EIPR1: variants seen among roughly 807,000 people sequenced by gnomAD.
EIPR1 encodes EARP and GARP complex-interacting protein 1.
In EIPR1, 25 loss-of-function variants were observed where a neutral mutation model predicts 48.1. That is an observed-to-expected ratio of 0.52 (90% CI 0.38 to 0.73). The LOEUF is 0.73. Ranked by LOEUF, EIPR1 falls within the 30% of genes least tolerant of loss-of-function variation. The pLI is 0.00. For synonymous variants in EIPR1, 204 were observed against 201.9 expected (o/e 1.01, Z -0.09); for missense variants, 415 against 506.2 (o/e 0.82, Z 1.73).
At chr2:3,318,719 G>A (rs550747236) in intron 3 of EIPR1, 6 of 389,550 alleles carry the variant, frequency 1.5e-5, no homozygotes, top group African/African-American at 6.2e-5. Flanking sequence ...GCTCTGTCCC[G>A]GCAATCAGAG....
At position 3,189,418 on chromosome 2, in the gene EIPR1, C is replaced by A. The variant is rs543753999; in HGVS notation, c.1080G>T (p.Pro360=). 6.3e-7 allele frequency: 1 copy of A among 1,599,868 alleles called. No individual in the cohort carries two copies. Among genetic ancestry groups the A allele is most frequent in the Non-Finnish European group, 8.5e-7 (1 of 1,172,696 alleles). ...CATAGCTCAGGGAGGCAAACAGCCACGGGTCAGCCGAGGACCAGTCCACGG... is the reference window on the plus strand; with the variant it reads ...CATAGCTCAGGGAGGCAAACAGCCAAGGGTCAGCCGAGGACCAGTCCACGG... The part of the protein sequence containing the change: ...VYAVDWSSAD[P]WLFASLSYDG... The change falls in exon 9 of 9, where the codon CCG becomes CCT. Residue 360 remains proline, a synonymous_variant. Coordinates refer to ENST00000382125, the MANE Select transcript of EIPR1 (RefSeq NM_003310.5). The surrounding 1 kb of genome is among the most constrained non-coding windows in gnomAD (Gnocchi z 4.6).
intron 3 of EIPR1, among the ~76,000 whole-genome samples, chr2:3,313,071 C>T (rs189129059): frequency 2.0e-5 from 3 of 152,322 alleles, no homozygotes; most frequent in South Asian, 2.1e-4. Flanking sequence ...TACCTATCAG[C>T]CTCAAGGAGA....
At chr2:3,377,456 C>T (rs554468505) in intron 1 of EIPR1, 192 bp downstream of exon 1, 7 of 586,912 alleles carry the variant, frequency 1.2e-5, no homozygotes, top group South Asian at 6.5e-5. Context: ...CCGGCTGTGG[C>T]CAACCCTGTT....
intron 1 of EIPR1, among the ~76,000 whole-genome samples, chr2:3,358,419 A>G (rs1670778556): frequency 6.6e-6 from 1 of 152,212 alleles, no homozygotes. Flanking sequence ...GCTAAAATAC[A>G]TTTCAATAAA....
At chr2:3,227,429 A>AT (rs1473236782) in intron 4 of EIPR1, among the ~76,000 whole-genome samples, 1 of 152,202 alleles carries the variant, frequency 6.6e-6, no homozygotes, top group African/African-American at 2.4e-5. Flanking sequence ...CTCGAGAGAG[A>AT]TGACTTAGGG....
At chr2:3,193,815 C>A (rs555392095) in intron 7 of EIPR1, among the ~76,000 whole-genome samples, 184 bp downstream of exon 7, 1 of 152,196 alleles carries the variant, frequency 6.6e-6, no homozygotes, top group African/African-American at 2.4e-5. Flanking sequence ...TCTTTTCCTA[C>A]GTTTATAAAT....
At chr2:3,235,070 G>A (rs185085808) in intron 4 of EIPR1, among the ~76,000 whole-genome samples, 149 of 152,262 alleles carry the variant, frequency 9.8e-4, no homozygotes, top group African/African-American at 2.9e-3. Context: ...GTTTTCCACC[G>A]GCAAGTTAGA....
At chr2:3,251,991 T>C (rs1336592941) in intron 4 of EIPR1, among the ~76,000 whole-genome samples, 2 of 152,156 alleles carry the variant, frequency 1.3e-5, no homozygotes, top group African/African-American at 4.8e-5. Flanking sequence ...CCTTAATCTC[T>C]TGGGGCCATG....
intron 2 of EIPR1, among the ~76,000 whole-genome samples, chr2:3,343,546 A>G (rs1344087728): frequency 1.3e-5 from 2 of 152,236 alleles, no homozygotes; most frequent in African/African-American, 4.8e-5. Context: ...CGTTTATGAT[A>G]AAGATCAAAC....
At chr2:3,354,528 T>C (rs775094021) in intron 2 of EIPR1, 22 bp downstream of exon 2, 2 of 1,605,638 alleles carry the variant, frequency 1.2e-6, no homozygotes, top group Admixed American at 3.3e-5. Context: ...TTATCATGTA[T>C]ACATTTGTCA....
At chr2:3,336,884 A>AAAGGG (rs142201647) in intron 3 of EIPR1, among the ~76,000 whole-genome samples, 1 of 105,072 alleles carries the variant, frequency 9.5e-6, no homozygotes, top group Non-Finnish European at 2.0e-5. Flanking sequence ...AGGGAAGGGA[A>AAAGGG]AAGGGAAGGG....
At chr2:3,362,904 G>A (rs759325131) in intron 1 of EIPR1, among the ~76,000 whole-genome samples, 11 of 152,162 alleles carry the variant, frequency 7.2e-5, no homozygotes, top group Non-Finnish European at 1.3e-4. Flanking sequence ...CAGGTGCCCA[G>A]GCTGGGGGCA....
At chr2:3,347,000 T>C (rs1326728309) in intron 2 of EIPR1, among the ~76,000 whole-genome samples, 1 of 152,196 alleles carries the variant, frequency 6.6e-6, no homozygotes, top group Non-Finnish European at 1.5e-5. Flanking sequence ...GCTGTCTTCA[T>C]GATAGCGAGT....
Position 3,281,939 on chromosome 2 carries a change from G to A in EIPR1, c.260-24484C>T, listed in dbSNP as rs59662501. Reference sequence around the variant, plus strand: ...TAGAGACCCTTTTTAAGCACTAGAGGGGCTCACATGAATGGAACTGAGTGT... The same window carrying A: ...TAGAGACCCTTTTTAAGCACTAGAGAGGCTCACATGAATGGAACTGAGTGT... On this transcript the variant is annotated intron_variant, in intron 3 of 8. Transcript: ENST00000382125. Among the ~76,000 whole-genome samples, 1,091 of 152,220 alleles carry A rather than the reference G, an allele frequency of 7.2e-3. 14 individuals are homozygous for A. Among genetic ancestry groups the A allele is most frequent in the African/African-American group, 0.025 (1,055 of 41,506 alleles).
chr2:3,225,966 G>A (rs534673794), intron 4 of EIPR1, among the ~76,000 whole-genome samples: 4 of 152,320 alleles, frequency 2.6e-5, no homozygotes, highest in African/African-American at 4.8e-5. Context: ...ACGGCAGGAC[G>A]GCCTTCTTTG....
intron 3 of EIPR1, chr2:3,274,538 C>A: frequency 7.6e-7 from 1 of 1,321,788 alleles, no homozygotes. Context: ...TTTTTAAAAC[C>A]ATGAGAATTT....
chr2:3,196,695 T>C (rs1242106191), intron 6 of EIPR1, among the ~76,000 whole-genome samples, 186 bp downstream of exon 6: 3 of 152,140 alleles, frequency 2.0e-5, no homozygotes, highest in African/African-American at 4.8e-5. Context: ...TCCATTGCAG[T>C]GGATGTGCTA....
chr2:3,280,597 C>T (rs1177461976), intron 3 of EIPR1, among the ~76,000 whole-genome samples: 4 of 152,338 alleles, frequency 2.6e-5, no homozygotes, highest in Non-Finnish European at 4.4e-5. Context: ...TGCGAGCAAA[C>T]GAGGTTGCCT....
intron 5 of EIPR1, among the ~76,000 whole-genome samples, chr2:3,205,966 T>C (rs889662734): frequency 6.6e-5 from 10 of 152,200 alleles, no homozygotes; most frequent in Admixed American, 2.6e-4. Context: ...AAACAGCACC[T>C]TGGAACACTC....
Sources: allele counts gnomAD v4.1 joint callset (sites outside exome capture counted in the v4.1 genomes callset), GRCh38; gene constraint gnomAD v4.1.1; non-coding constraint Gnocchi (gnomAD v3.1); transcripts MANE v1.5; gene names NCBI Gene and HGNC (gene_info 2026-07-23, HGNC 2026-07-21).